Variants in CSMD1 observed in about 807,000 individuals in gnomAD.
The protein encoded by CSMD1 is CUB and sushi domain-containing protein 1.
CSMD1 carries 213 observed loss-of-function variants against 417.5 expected under a neutral mutation model. The observed-to-expected ratio is 0.51, with a 90% CI of 0.46 to 0.57. The LOEUF (loss-of-function observed/expected upper bound fraction) is 0.57. Ranked by LOEUF, CSMD1 falls within the 20% of genes least tolerant of loss-of-function variation. The pLI, the probability that CSMD1 is intolerant of heterozygous loss-of-function variation, is 0.00. For synonymous variants in CSMD1, 2,862 were observed against 1,736.8 expected, an observed-to-expected ratio of 1.65 and a Z score of -16.11; for missense variants, 6,923 against 4,529.7, an observed-to-expected ratio of 1.53 and a Z score of -15.17.
intron 1 of CSMD1, among the ~76,000 whole-genome samples, chr8:4,972,376 A>C (rs1243127470): frequency 6.6e-6 from 1 of 152,138 alleles, no homozygotes; most frequent in Non-Finnish European, 1.5e-5. Context: ...TCATGGGAGC[A>C]GTTCCCCCCA....
intron 7 of CSMD1, among the ~76,000 whole-genome samples, chr8:3,706,940 G>A (rs930220456): frequency 6.6e-6 from 1 of 151,794 alleles, no homozygotes; most frequent in South Asian, 2.1e-4. Flanking sequence ...TCATTAAAGG[G>A]TGACTGGCTG....
chr8:3,806,161 A>T (rs1800728069), intron 5 of CSMD1, among the ~76,000 whole-genome samples: 1 of 152,146 alleles, frequency 6.6e-6, no homozygotes, highest in African/African-American at 2.4e-5. Context: ...GACACAACCC[A>T]TCATATAAGA....
At chr8:3,607,967 C>T (rs1022672426) in intron 8 of CSMD1, among the ~76,000 whole-genome samples, 3 of 151,906 alleles carry the variant, frequency 2.0e-5, no homozygotes, top group Non-Finnish European at 2.9e-5. Context: ...GTCAGGAGTT[C>T]AAGACCAGCC....
intron 2 of CSMD1, among the ~76,000 whole-genome samples, chr8:4,536,586 T>C (rs1797113179): frequency 6.6e-6 from 1 of 152,206 alleles, no homozygotes; most frequent in South Asian, 2.1e-4. Flanking sequence ...GTTGTGGATA[T>C]CCTGCCGTTT....
chr8:3,911,810 C>G (rs1808484980), intron 5 of CSMD1, among the ~76,000 whole-genome samples: 1 of 152,184 alleles, frequency 6.6e-6, no homozygotes, highest in Non-Finnish European at 1.5e-5. Flanking sequence ...TAAATTCTGT[C>G]TAATTAAACT....
chr8:4,032,697 G>C (rs975402725), intron 3 of CSMD1, among the ~76,000 whole-genome samples: 7 of 152,116 alleles, frequency 4.6e-5, no homozygotes, highest in African/African-American at 1.7e-4. Flanking sequence ...CAGCAGCCAG[G>C]CTCTGTCCAT....
chr8:3,022,840 A>G (rs1809552035), intron 51 of CSMD1, among the ~76,000 whole-genome samples: 2 of 152,206 alleles, frequency 1.3e-5, no homozygotes, highest in African/African-American at 4.8e-5. Context: ...CGTATAGATC[A>G]GAGTCAGGAA....
chr8:3,980,752 T>A (rs1375961030), intron 5 of CSMD1, among the ~76,000 whole-genome samples: 2 of 152,146 alleles, frequency 1.3e-5, no homozygotes, highest in Non-Finnish European at 2.9e-5. Context: ...ATTCCTGAAT[T>A]TTCATTTCTG....
intron 3 of CSMD1, among the ~76,000 whole-genome samples, chr8:4,130,994 C>G (rs566817636): frequency 6.6e-6 from 1 of 152,092 alleles, no homozygotes; most frequent in Non-Finnish European, 1.5e-5. Context: ...AAGTCTCTCC[C>G]TGCTGTTGGA....
intron 7 of CSMD1, among the ~76,000 whole-genome samples, chr8:3,681,882 T>C (rs990352267): frequency 4.6e-5 from 7 of 152,114 alleles, no homozygotes; most frequent in South Asian, 2.1e-4. Flanking sequence ...TCAGAAATAA[T>C]ACCACACATC....
chr8:3,981,500 T>TAAA lies in CSMD1; in HGVS notation c.818+16400_818+16402dup, dbSNP rs200296436. Among the ~76,000 whole-genome samples the TAAA allele has an allele frequency of 2.3e-3, 260 of 115,020 alleles. 7 individuals are homozygous for TAAA. Among genetic ancestry groups the TAAA allele is most frequent in the Non-Finnish European group, 3.1e-3 (181 of 57,608 alleles). 75.5% of individuals were successfully genotyped at this position (115,020 alleles called of 152,430 possible). A position where few individuals can be genotyped will look rare whatever the true frequency, so the allele number is the denominator to read the frequency against. On this transcript the variant is annotated intron_variant, in intron 5 of 69. Transcript: ENST00000635120. Reference sequence around the variant, plus strand: ...TACTCCAATAACTTATAGAAAAAAGTAAAAAAAAAAAAAAAAAAAAAAAAA... The same window carrying TAAA: ...TACTCCAATAACTTATAGAAAAAAGTAAAAAAAAAAAAAAAAAAAAAAAAAAAA...
chr8:4,429,717 G>C (rs994163164), intron 2 of CSMD1, among the ~76,000 whole-genome samples: 1 of 152,174 alleles, frequency 6.6e-6, no homozygotes, highest in African/African-American at 2.4e-5. Flanking sequence ...CATGAGGGCA[G>C]AAGTGGGTCT....
intron 3 of CSMD1, among the ~76,000 whole-genome samples, chr8:4,125,589 C>T (rs114720054): frequency 6.6e-6 from 1 of 152,250 alleles, no homozygotes; most frequent in East Asian, 1.9e-4. Flanking sequence ...ACTGAAACTG[C>T]CTTTGCAGAA....
At chr8:4,619,555 C>T (rs1054992828) in intron 2 of CSMD1, among the ~76,000 whole-genome samples, 2 of 152,132 alleles carry the variant, frequency 1.3e-5, no homozygotes, top group African/African-American at 2.4e-5. Flanking sequence ...ATGCATCTTG[C>T]ATTAGTGTTT....
At chr8:4,358,523 G>A (rs905988435) in intron 3 of CSMD1, among the ~76,000 whole-genome samples, 4 of 152,200 alleles carry the variant, frequency 2.6e-5, no homozygotes, top group African/African-American at 7.2e-5. Context: ...GAGCTCCGCA[G>A]ATGCAGAGGT....
intron 5 of CSMD1, among the ~76,000 whole-genome samples, chr8:3,830,701 C>T (rs1802327622): frequency 6.6e-6 from 1 of 152,118 alleles, no homozygotes; most frequent in Non-Finnish European, 1.5e-5. Context: ...TGCCCCAATT[C>T]CTCCCAGACC....
chr8:3,656,368 A>C (rs1798106185), intron 7 of CSMD1, among the ~76,000 whole-genome samples: 1 of 151,846 alleles, frequency 6.6e-6, no homozygotes, highest in South Asian at 2.1e-4. Context: ...TGTTTATTTG[A>C]TAGATGACAC....
chr8:4,508,935 G>A (rs1310896346), intron 2 of CSMD1, among the ~76,000 whole-genome samples: 1 of 152,070 alleles, frequency 6.6e-6, no homozygotes, highest in African/African-American at 2.4e-5. Context: ...AAATCCCACA[G>A]GACAGGTCCA....
At chr8:3,655,282 G>C (rs1473861395) in intron 7 of CSMD1, among the ~76,000 whole-genome samples, 1 of 152,112 alleles carries the variant, frequency 6.6e-6, no homozygotes, top group Non-Finnish European at 1.5e-5. Context: ...TGAACATGAA[G>C]GCTATCTTTG....
Sources: gnomAD v4.1 joint callset for allele counts (sites outside exome capture counted in the v4.1 genomes callset) on GRCh38, gnomAD v4.1.1 for gene constraint, MANE v1.5 for transcripts, NCBI Gene and HGNC (gene_info 2026-07-23, HGNC 2026-07-21) for gene names.